BCOR: variants seen among roughly 807,000 people sequenced by gnomAD.
BCOR encodes the protein BCL-6 corepressor.
A neutral mutation model predicts 86.7 loss-of-function variants in BCOR; 10 were observed. The ratio of observed to expected loss-of-function variants is 0.12; its 90% CI spans 0.07 to 0.20. The LOEUF is 0.20. Among genes scored for constraint, BCOR ranks in the 10% least tolerant of loss-of-function variants. The pLI is 1.00. For synonymous variants in BCOR, 611 were observed against 609.0 expected (o/e 1.00, Z -0.05); for missense variants, 1,259 against 1,452.1 (o/e 0.87, Z 2.16).
chrX:40,156,927 G>C (rs751890985), intron 1 of BCOR, among the ~76,000 whole-genome samples: 15 of 113,822 alleles, frequency 1.3e-4, no homozygotes, highest in Non-Finnish European at 2.4e-4. Flanking sequence ...CGCGCTTCCC[G>C]CGAGGGGCAT....
rs1381312357 is a variant in BCOR, at chrX:40,064,573, G to A, written c.3265C>T (p.Arg1089Cys). The change falls in exon 7 of 15, where the codon CGT (arginine) becomes TGT (cysteine). Residue 1089 changes from arginine (R) to cysteine (C), a missense_variant. Coordinates refer to ENST00000378444, the MANE Select transcript of BCOR (RefSeq NM_001123385.2). ...RCEYSVGNKH[R>C]DPFEAPEDKD... is the part of the protein sequence containing the mutation. ...TCCTCTGGGGCTTCAAAGGGATCACGGTGCTTGTTTCCAACACTATACTCG... is the reference window on the plus strand; with the variant it reads ...TCCTCTGGGGCTTCAAAGGGATCACAGTGCTTGTTTCCAACACTATACTCG... 10 of 1,211,777 alleles carry A rather than the reference G, an allele frequency of 8.3e-6. No homozygotes were observed. Among genetic ancestry groups the A allele is most frequent in the South Asian group, 1.8e-5 (1 of 57,003 alleles).
At chrX:40,159,115 A>C (rs1938360938) in intron 1 of BCOR, among the ~76,000 whole-genome samples, 1 of 111,996 alleles carries the variant, frequency 8.9e-6, no homozygotes, top group African/African-American at 3.3e-5. Flanking sequence ...CTAATACTGA[A>C]TATTTCCACG....
At chrX:40,112,748 A>T (rs1241993940) in intron 1 of BCOR, among the ~76,000 whole-genome samples, 6 of 111,715 alleles carry the variant, frequency 5.4e-5, no homozygotes, top group Non-Finnish European at 1.1e-4. Context: ...TTAATTTACA[A>T]ATATTTGGGG....
chrX:40,072,315 G>C, intron 4 of BCOR, 34 bp downstream of exon 4: 7 of 1,187,143 alleles, frequency 5.9e-6, no homozygotes, highest in Non-Finnish European at 8.0e-6. Context: ...CTGACAACTG[G>C]TAAAGTAACT....
chrX:40,173,767 G>A (rs991802611), intron 1 of BCOR, among the ~76,000 whole-genome samples: 2 of 112,138 alleles, frequency 1.8e-5, no homozygotes, highest in East Asian at 5.6e-4. Context: ...ACTCTTCCAG[G>A]ACACCTTTTT....
chrX:40,158,952 C>A (rs1402112039), intron 1 of BCOR, among the ~76,000 whole-genome samples: 4 of 111,966 alleles, frequency 3.6e-5, no homozygotes, highest in Non-Finnish European at 7.5e-5. Flanking sequence ...TTGTAAATGA[C>A]TGAACACAAA....
chrX:40,171,368 C>A (rs2148030994), intron 1 of BCOR, among the ~76,000 whole-genome samples: 1 of 112,416 alleles, frequency 8.9e-6, no homozygotes, highest in South Asian at 3.7e-4. Flanking sequence ...TAAAGTGTTT[C>A]TGCAGACAGA....
At chrX:40,078,929 C>T (rs958130258) in intron 1 of BCOR, among the ~76,000 whole-genome samples, 49 of 108,859 alleles carry the variant, frequency 4.5e-4, no homozygotes, top group African/African-American at 1.2e-3. Context: ...AGGATTATCA[C>T]GGCGCGTGAT....
At chrX:40,066,192 G>T (rs1935193783) in intron 6 of BCOR, among the ~76,000 whole-genome samples, 1 of 111,774 alleles carries the variant, frequency 8.9e-6, no homozygotes, top group African/African-American at 3.3e-5. Context: ...ACCACCCCAG[G>T]TCTCTGTAGG....
chrX:40,089,285 A>G (rs1936494578), intron 1 of BCOR, among the ~76,000 whole-genome samples: 1 of 112,191 alleles, frequency 8.9e-6, no homozygotes, highest in Admixed American at 9.4e-5. Flanking sequence ...CTCAAAGGCC[A>G]TAAATAACTT....
chrX:40,154,244 C>A (rs1938236734), intron 1 of BCOR, among the ~76,000 whole-genome samples: 1 of 109,325 alleles, frequency 9.1e-6, no homozygotes, highest in African/African-American at 3.3e-5. Context: ...CCCGCCCCTC[C>A]CCCTCCTCGC....
At chrX:40,099,795 C>T (rs1243931270), upstream of BCOR, among the ~76,000 whole-genome samples, 1 of 112,100 alleles carries the variant, frequency 8.9e-6, no homozygotes, top group Admixed American at 9.4e-5. Flanking sequence ...GTTTGAAACC[C>T]GAAACTTCGG....
chrX:40,108,824 C>T (rs1487232187), intron 1 of BCOR, among the ~76,000 whole-genome samples: 3 of 113,438 alleles, frequency 2.6e-5, no homozygotes, highest in Non-Finnish European at 5.6e-5. Context: ...CACCCTCTTC[C>T]CTCAGCCCAC....
intron 1 of BCOR, among the ~76,000 whole-genome samples, chrX:40,079,816 G>A (rs1210301838): frequency 9.0e-6 from 1 of 110,500 alleles, no homozygotes; most frequent in Non-Finnish European, 1.9e-5. Flanking sequence ...ACTAGGGCTG[G>A]GCAGACCACA....
Position 40,080,958 on chromosome X carries a change from TGCACGCACGCACAC to T in BCOR, c.-40-3003_-40-2990del, listed in dbSNP as rs1200910109. Among the ~76,000 whole-genome samples the T allele has an allele frequency of 6.9e-4, 55 of 79,649 alleles. No homozygotes were observed. In the East Asian group the frequency reaches 0.017, roughly 25 times the overall value. 69.2% of individuals were successfully genotyped at this position (79,649 alleles called of 115,157 possible). A position where few individuals can be genotyped will look rare whatever the true frequency, so the allele number is the denominator to read the frequency against. On this transcript the variant is annotated intron_variant, in intron 1 of 14. Transcript: ENST00000378444. ...CCTGCTGTGGACTTACGCACACACG[TGCACGCACGCACAC>T]GCGCACACACACACGCGCACACACA...
chrX:40,174,834 CCA>C (rs768011337), intron 1 of BCOR, among the ~76,000 whole-genome samples: 27 of 113,025 alleles, frequency 2.4e-4, no homozygotes, highest in Non-Finnish European at 4.7e-4. Context: ...TACCGTTTGA[CCA>C]CAGTTTCTCA....
chrX:40,089,875 G>A (rs144912224), intron 1 of BCOR, among the ~76,000 whole-genome samples: 211 of 112,381 alleles, frequency 1.9e-3, no homozygotes, highest in African/African-American at 6.0e-3. Context: ...TAGTGTGGGA[G>A]AGGGAATTAA....
chrX:40,171,318 C>T (rs749024176), intron 1 of BCOR, among the ~76,000 whole-genome samples: 2 of 112,519 alleles, frequency 1.8e-5, no homozygotes, highest in East Asian at 2.8e-4. Context: ...CACTTCCCTC[C>T]ACCCAGTCAA....
intron 1 of BCOR, among the ~76,000 whole-genome samples, chrX:40,108,886 G>C (rs931704523): frequency 1.8e-5 from 2 of 113,224 alleles, no homozygotes; most frequent in Admixed American, 9.2e-5. Flanking sequence ...CTGGCTCCTC[G>C]GCTGCGAGGA....
Sources: gnomAD v4.1 joint callset for allele counts (sites outside exome capture counted in the v4.1 genomes callset) on GRCh38, gnomAD v4.1.1 for gene constraint, MANE v1.5 for transcripts, NCBI Gene and HGNC (gene_info 2026-07-23, HGNC 2026-07-21) for gene names.